PCDH7: variants seen among roughly 807,000 people sequenced by gnomAD.
PCDH7 encodes protocadherin-7.
PCDH7 carries 17 observed loss-of-function variants against 58.9 expected under a neutral mutation model. That is an observed-to-expected ratio of 0.29 (90% confidence interval 0.20 to 0.43). The LOEUF (loss-of-function observed/expected upper bound fraction) is 0.43. Among genes scored for constraint, PCDH7 ranks in the 20% least tolerant of loss-of-function variants. PCDH7 has a pLI of 1.00. For missense variants in PCDH7, 1,274 were observed against 1,441.0 expected (o/e 0.88, Z 1.88); for synonymous variants, 664 against 616.4 (o/e 1.08, Z -1.14).
Position 30,968,319 on chromosome 4 carries a change from CT to C in PCDH7, c.*7+18105del, listed in dbSNP as rs1454389276. Among the ~76,000 whole-genome samples, 145 of 82,572 alleles carry C rather than the reference CT, an allele frequency of 1.8e-3. 1 individual carries two copies. The highest frequency in any genetic ancestry group is 1.9e-3 in the Non-Finnish European group (80 of 42,848). 54.2% of individuals were successfully genotyped at this position (82,572 alleles called of 152,430 possible). A position where few individuals can be genotyped will look rare whatever the true frequency, so the allele number is the denominator to read the frequency against. ...CTCTCTCTCTATATATATATATACACTATATATATATATACACACACTATAT... is the reference window on the plus strand; with the variant it reads ...CTCTCTCTCTATATATATATATACACATATATATATATACACACACTATAT... On this transcript the variant is annotated intron_variant, in intron 3 of 3. Coordinates refer to the PCDH7 transcript ENST00000509759.
chr4:31,071,024 A>T (rs988117321), intron 3 of PCDH7, among the ~76,000 whole-genome samples: 1 of 152,066 alleles, frequency 6.6e-6, no homozygotes, highest in Non-Finnish European at 1.5e-5. Context: ...CCCTTGTGGA[A>T]AAAAGCTTAA....
intron 3 of PCDH7, among the ~76,000 whole-genome samples, chr4:31,105,941 A>G (rs547062635): frequency 1.3e-5 from 2 of 151,848 alleles, no homozygotes; most frequent in African/African-American, 4.8e-5. Context: ...CGGGAGGCAG[A>G]GCTTGCAGTG....
chr4:30,722,721 C>T lies in PCDH7; in HGVS notation c.1299C>T (p.Ala433=), dbSNP rs750943999. 6 of 1,613,380 alleles carry T rather than the reference C, an allele frequency of 3.7e-6. No homozygotes were observed. The highest frequency in any genetic ancestry group is 2.7e-5 in the African/African-American group (2 of 74,930). The change falls in exon 1 of 2, where the codon GCC becomes GCT. Residue 433 remains alanine, a synonymous_variant. Transcript: ENST00000361762. This position sits in a 1 kb window ranked among gnomAD's most constrained non-coding sequence, Gnocchi z 7.6. ...TCAAGGACGGGGTGGCCAACGTGGC[C>T]GAGGACGTTCTGGTCGACACCCCCA...
chr4:31,028,059 A>AT (rs922866629), intron 3 of PCDH7, among the ~76,000 whole-genome samples: 1 of 151,910 alleles, frequency 6.6e-6, no homozygotes, highest in East Asian at 1.9e-4. Flanking sequence ...TTTATTTTTA[A>AT]TTTTTTTTAA....
chr4:30,904,416 T>C (rs1449466817), intron 1 of PCDH7, among the ~76,000 whole-genome samples: 1 of 152,178 alleles, frequency 6.6e-6, no homozygotes, highest in African/African-American at 2.4e-5. Context: ...CCTTCTTTTC[T>C]GTCTCCCCCA....
intron 3 of PCDH7, among the ~76,000 whole-genome samples, chr4:31,012,395 A>C (rs1415291480): frequency 1.3e-5 from 2 of 151,000 alleles, no homozygotes; most frequent in Non-Finnish European, 2.9e-5. Context: ...TTTTCATTAC[A>C]AACTGCCCCC....
At chr4:30,862,190 G>T (rs766200640) in intron 1 of PCDH7, among the ~76,000 whole-genome samples, 1 of 152,130 alleles carries the variant, frequency 6.6e-6, no homozygotes, top group African/African-American at 2.4e-5. Context: ...ACGATAATAA[G>T]GTGTTGATAA....
chr4:30,725,277 A>C (rs1285830935), intron 1 of PCDH7: 26 of 995,108 alleles, frequency 2.6e-5, no homozygotes, highest in Non-Finnish European at 1.2e-6. Flanking sequence ...TACCATTTGC[A>C]TTCTTTCTGT....
At chr4:30,918,167 T>A (rs893430986) in intron 1 of PCDH7, among the ~76,000 whole-genome samples, 8 of 152,324 alleles carry the variant, frequency 5.3e-5, no homozygotes, top group Admixed American at 2.0e-4. Context: ...TGCATGACCC[T>A]TGGCATTCTT....
chr4:31,097,741 A>G (rs1391719650), intron 3 of PCDH7, among the ~76,000 whole-genome samples: 2 of 150,438 alleles, frequency 1.3e-5, no homozygotes, highest in East Asian at 3.9e-4. Flanking sequence ...ATAATTTAAA[A>G]ACCAGCTAGC....
chr4:31,098,374 A>C (rs2109297032), intron 3 of PCDH7, among the ~76,000 whole-genome samples: 1 of 152,302 alleles, frequency 6.6e-6, no homozygotes, highest in African/African-American at 2.4e-5. Flanking sequence ...TATAGTGAGC[A>C]CCTATTTTAT....
At chr4:30,963,820 C>A (rs1336710742) in intron 3 of PCDH7, among the ~76,000 whole-genome samples, 1 of 152,140 alleles carries the variant, frequency 6.6e-6, no homozygotes, top group African/African-American at 2.4e-5. Context: ...TGAGTTAAAG[C>A]CTTCCCCAAC....
At chr4:30,925,162 G>T (rs1469089258) in intron 2 of PCDH7, among the ~76,000 whole-genome samples, 1 of 152,006 alleles carries the variant, frequency 6.6e-6, no homozygotes, top group Non-Finnish European at 1.5e-5. Context: ...CCTTGTCCTT[G>T]ATTATTTAAA....
intron 1 of PCDH7, among the ~76,000 whole-genome samples, chr4:30,768,540 A>C (rs1721023244): frequency 6.6e-6 from 1 of 152,214 alleles, no homozygotes; most frequent in Non-Finnish European, 1.5e-5. Context: ...CCTGTGATTC[A>C]GTCCTGCTAA....
chr4:31,079,364 A>G (rs1759277384), intron 3 of PCDH7, among the ~76,000 whole-genome samples: 2 of 93,208 alleles, frequency 2.1e-5, no homozygotes, highest in South Asian at 3.3e-4. Context: ...ATATATATAT[A>G]CACCACATTT....
At chr4:30,843,391 G>C (rs866993660) in intron 1 of PCDH7, among the ~76,000 whole-genome samples, 1 of 152,006 alleles carries the variant, frequency 6.6e-6, no homozygotes, top group African/African-American at 2.4e-5. Context: ...ACAGGGTTTC[G>C]CCATGTTGGC....
intron 3 of PCDH7, among the ~76,000 whole-genome samples, chr4:31,015,170 G>T (rs1753506071): frequency 6.6e-6 from 1 of 152,108 alleles, no homozygotes; most frequent in South Asian, 2.1e-4. Flanking sequence ...TTTCATTCTT[G>T]TTCTTTCTCA....
intron 2 of PCDH7, among the ~76,000 whole-genome samples, chr4:30,926,338 C>T (rs1056439612): frequency 1.3e-5 from 2 of 152,018 alleles, no homozygotes; most frequent in African/African-American, 4.8e-5. Context: ...GCGCCCGCCA[C>T]CACACTCGGC....
At chr4:31,013,280 CTA>C (rs1186890877) in intron 3 of PCDH7, among the ~76,000 whole-genome samples, 4 of 139,564 alleles carry the variant, frequency 2.9e-5, no homozygotes, top group African/African-American at 9.9e-5. Flanking sequence ...TTAATGAAGA[CTA>C]TGTGTACATA....
Sources: gnomAD v4.1 joint callset for allele counts (sites outside exome capture counted in the v4.1 genomes callset) on GRCh38, gnomAD v4.1.1 for gene constraint, Gnocchi (gnomAD v3.1) non-coding constraint, MANE v1.5 for transcripts, NCBI Gene and HGNC (gene_info 2026-07-23, HGNC 2026-07-21) for gene names.